The following GRM5 variants were observed in gnomAD, a reference collection of about 807,000 sequenced individuals.
GRM5 encodes the protein metabotropic glutamate receptor 5.
In GRM5, 19 loss-of-function variants were observed where a neutral mutation model predicts 83.1. That is an observed-to-expected ratio of 0.23 (90% CI 0.16 to 0.34). GRM5 has a LOEUF of 0.34. Among genes scored for constraint, GRM5 ranks in the 10% least tolerant of loss-of-function variants. The pLI is 1.00. For synonymous variants in GRM5, 675 were observed against 633.6 expected, an observed-to-expected ratio of 1.07 and a Z score of -0.98; for missense variants, 1,160 against 1,588.3, an observed-to-expected ratio of 0.73 and a Z score of 4.58.
chr11:88,513,691 T>G (rs7114723), intron 9 of GRM5, among the ~76,000 whole-genome samples: 5,752 of 152,180 alleles, frequency 0.038, 343 homozygotes, highest in African/African-American at 0.13. Context: ...TGACTCAGAA[T>G]GATGTTGAGC....
At chr11:88,991,420 G>C (rs1939965826) in intron 2 of GRM5, among the ~76,000 whole-genome samples, 1 of 151,948 alleles carries the variant, frequency 6.6e-6, no homozygotes, top group Admixed American at 6.5e-5. Context: ...TCAATATCGT[G>C]AAAACGGCCA....
chr11:88,892,830 G>A (rs1455712722), intron 2 of GRM5, among the ~76,000 whole-genome samples: 1 of 151,950 alleles, frequency 6.6e-6, no homozygotes, highest in Non-Finnish European at 1.5e-5. Flanking sequence ...GCTAGTTCTG[G>A]GCAATTATTC....
At chr11:88,785,280 T>A (rs1229047544) in intron 3 of GRM5, among the ~76,000 whole-genome samples, 1 of 152,080 alleles carries the variant, frequency 6.6e-6, no homozygotes, top group African/African-American at 2.4e-5. Context: ...TTACATACTT[T>A]GGCAGAATTT....
Position 88,910,442 on chromosome 11 carries a change from C to T in GRM5, c.662-60287G>A, listed in dbSNP as rs185230657. ...TGAGAACCTAGGAGTTCTCAAATAC[C>T]TAGGAGTGGAATTTTTGTTTCATAT... On this transcript the variant is annotated intron_variant, in intron 2 of 9. Coordinates refer to ENST00000305447, the MANE Select transcript of GRM5 (RefSeq NM_001143831.3). Among the ~76,000 whole-genome samples the T allele has an allele frequency of 2.4e-3, 367 of 151,996 alleles. 2 individuals carry two copies. The highest frequency in any genetic ancestry group is 8.6e-3 in the African/African-American group (356 of 41,478).
At chr11:88,821,365 A>AAGCC in intron 3 of GRM5, among the ~76,000 whole-genome samples, 2 of 147,960 alleles carry the variant, frequency 1.4e-5, no homozygotes, top group Admixed American at 6.8e-5. Flanking sequence ...AAAAAAAAGA[A>AAGCC]AAAAGAAAAA....
At chr11:88,525,276 C>T (rs1485627677) in intron 9 of GRM5, 33 bp downstream of exon 9, 1 of 1,255,720 alleles carries the variant, frequency 8.0e-7, no homozygotes. Flanking sequence ...ACATTTATTT[C>T]ACACCACCTC....
At chr11:88,743,378 AGAT>A (rs1942068152) in intron 3 of GRM5, among the ~76,000 whole-genome samples, 2 of 152,296 alleles carry the variant, frequency 1.3e-5, no homozygotes, top group East Asian at 3.9e-4. Flanking sequence ...AGTGGTGAGC[AGAT>A]GATATTTTCA....
intron 1 of GRM5, among the ~76,000 whole-genome samples, chr11:89,055,248 T>C (rs115607953): frequency 0.016 from 2,382 of 152,320 alleles, 61 homozygotes; most frequent in African/African-American, 0.053. Context: ...TGGCGGTGTG[T>C]CCTTAGGCAT....
chr11:88,827,655 AT>A (rs1472763487), intron 3 of GRM5, among the ~76,000 whole-genome samples: 1 of 152,146 alleles, frequency 6.6e-6, no homozygotes, highest in Non-Finnish European at 1.5e-5. Context: ...TGATTCCAGG[AT>A]TCTAAATGAG....
chr11:89,057,490 T>C (rs936734890), intron 1 of GRM5, among the ~76,000 whole-genome samples: 1 of 152,178 alleles, frequency 6.6e-6, no homozygotes, highest in African/African-American at 2.4e-5. Context: ...AGATGAAATC[T>C]GTAATTTTAT....
chr11:88,618,838 C>T (rs547511108), intron 4 of GRM5, among the ~76,000 whole-genome samples: 14 of 152,102 alleles, frequency 9.2e-5, no homozygotes, highest in Non-Finnish European at 1.0e-4. Context: ...CTTTGTTCAA[C>T]GATTATTTTT....
intron 2 of GRM5, among the ~76,000 whole-genome samples, chr11:89,031,549 A>C (rs945835961): frequency 2.6e-5 from 4 of 151,968 alleles, no homozygotes; most frequent in Admixed American, 2.6e-4. Context: ...AAAAGTATGA[A>C]TAACAAGAGA....
At chr11:88,891,614 T>G (rs1160752396) in intron 2 of GRM5, among the ~76,000 whole-genome samples, 3 of 10,420 alleles carry the variant, frequency 2.9e-4, no homozygotes, top group African/African-American at 4.8e-4. Flanking sequence ...TAATGTCTCA[T>G]AATTAATTTT....
chr11:88,508,944 G>T lies in GRM5; in HGVS notation c.3287C>A (p.Ser1096Tyr). 1 of 1,597,282 alleles carries T rather than the reference G, an allele frequency of 6.3e-7. No individual in the cohort carries two copies. Among genetic ancestry groups the T allele is most frequent in the South Asian group, 1.1e-5 (1 of 87,842 alleles). Residue 1096 changes from serine to tyrosine, a missense_variant, in exon 10 of 10, where the codon TCC becomes TAC. This residue lies in a region of GRM5 where 562 missense variants were observed against 532.4 expected (regional missense o/e 1.06). Transcript: ENST00000305447. This position sits in a 1 kb window ranked among gnomAD's most constrained non-coding sequence, Gnocchi z 4.2. ...CTGGATCTCTTTGGGGATCAGGTAG[G>T]ACGAGCAGAGCGGGGCGCCGACGCC... ...SPGVGAPLCS[S>Y]YLIPKEIQLP...
rs118068146 is a variant in GRM5 at position 88,759,908 on chromosome 11, C to A, written c.911+89998G>T. Among the ~76,000 whole-genome samples, 652 of 152,068 alleles carry A rather than the reference C, an allele frequency of 4.3e-3. 11 individuals are homozygous for A. Among genetic ancestry groups the A allele is most frequent in the Admixed American group, 0.032 (482 of 15,270 alleles). On this transcript the variant is annotated intron_variant, in intron 3 of 9. Transcript: ENST00000305447. ...ACCACAACAAAATCAAATTAGAAAT[C>A]AAGACTAAGAAATGCACTCAAAACC...
chr11:88,555,488 T>C (rs1176246905), intron 8 of GRM5, among the ~76,000 whole-genome samples: 1 of 152,200 alleles, frequency 6.6e-6, no homozygotes, highest in Non-Finnish European at 1.5e-5. Flanking sequence ...TCAGTTACTG[T>C]TTGTTTTGGA....
At chr11:88,754,481 G>C (rs1200829018) in intron 3 of GRM5, among the ~76,000 whole-genome samples, 1 of 152,104 alleles carries the variant, frequency 6.6e-6, no homozygotes, top group Non-Finnish European at 1.5e-5. Context: ...TAGGTATATT[G>C]ACTCTATCAA....
chr11:88,787,644 A>G (rs1341790777), intron 3 of GRM5, among the ~76,000 whole-genome samples: 1 of 152,130 alleles, frequency 6.6e-6, no homozygotes, highest in Non-Finnish European at 1.5e-5. Context: ...GATTTGGGTT[A>G]AGAATATTAA....
chr11:88,562,022 C>T (rs1422921464), intron 8 of GRM5, among the ~76,000 whole-genome samples: 1 of 152,062 alleles, frequency 6.6e-6, no homozygotes, highest in Non-Finnish European at 1.5e-5. Context: ...CTCTTCAGGC[C>T]CCATAAACAT....
Sources: allele counts gnomAD v4.1 joint callset (sites outside exome capture counted in the v4.1 genomes callset), GRCh38; gene constraint gnomAD v4.1.1; regional missense constraint gnomAD v4.1.1; non-coding constraint Gnocchi (gnomAD v3.1); transcripts MANE v1.5; gene names NCBI Gene and HGNC (gene_info 2026-07-23, HGNC 2026-07-21).